The following MARS1 variants were observed in gnomAD, a reference collection of about 807,000 sequenced individuals.
MARS1 encodes methionine--tRNA ligase, cytoplasmic.
In MARS1, 80 loss-of-function variants were observed where a neutral mutation model predicts 119.5. The ratio of observed to expected loss-of-function variants is 0.67; its 90% CI spans 0.56 to 0.81. The LOEUF (loss-of-function observed/expected upper bound fraction) is 0.81, where lower values mean the gene tolerates loss of function less well. Among genes scored for constraint, MARS1 ranks in the 30% least tolerant of loss-of-function variants. The pLI is 0.00. For missense variants in MARS1, 945 were observed against 1,116.5 expected (o/e 0.85, Z 2.19); for synonymous variants, 418 against 433.4 (o/e 0.96, Z 0.44).
intron 19 of MARS1, 98 bp downstream of exon 19, chr12:57,516,089 T>G: frequency 7.0e-7 from 1 of 1,437,642 alleles, no homozygotes; most frequent in Non-Finnish European, 9.8e-7. Flanking sequence ...TTTCCATCTT[T>G]TGGCCCTGCC....
In MARS1 at chr12:57,490,225, A is replaced by C; in HGVS notation, c.509A>C (p.His170Pro). The change falls in exon 6 of 21, where the codon CAC becomes CCC. Residue 170 changes from histidine to proline, a missense_variant. By Grantham distance (77) the His-to-Pro change is moderately conservative. Coordinates refer to ENST00000262027, the MANE Select transcript of MARS1 (RefSeq NM_004990.4). ...CCCACAGAGGAGCTGAGTGCCCTGC[A>C]CAGCTGGTTCCAGACACTGAGTACC... Reference protein sequence around the residue: ...AYLPEELSALHSWFQTLSTQE... With the variant: ...AYLPEELSALPSWFQTLSTQE... 1 of 1,613,796 alleles carries C rather than the reference A, an allele frequency of 6.2e-7. No homozygotes were observed. Among genetic ancestry groups the C allele is most frequent in the Non-Finnish European group, 8.5e-7 (1 of 1,179,962 alleles).
intron 1 of MARS1, 146 bp from the exon 2 acceptor site, chr12:57,488,873 C>T (rs574919907): frequency 4.5e-4 from 349 of 773,242 alleles, no homozygotes; most frequent in Admixed American, 6.0e-4. Flanking sequence ...CACCCCCTTT[C>T]AGTGGTCCTA....
At chr12:57,492,885 G>A (rs1277603256) in intron 7 of MARS1, among the ~76,000 whole-genome samples, 1 of 152,126 alleles carries the variant, frequency 6.6e-6, no homozygotes, top group Non-Finnish European at 1.5e-5. Flanking sequence ...AGGCTGGTCA[G>A]TCGGGGGCAC....
At chr12:57,493,905 A>G (rs1268574373) in intron 7 of MARS1, among the ~76,000 whole-genome samples, 1 of 61,614 alleles carries the variant, frequency 1.6e-5, no homozygotes, top group South Asian at 3.9e-4. Flanking sequence ...TATGTTATAT[A>G]ATATATATAA....
chr12:57,513,076 A>G (rs1280379817), intron 15 of MARS1, 112 bp downstream of exon 15: 5 of 858,352 alleles, frequency 5.8e-6, no homozygotes, highest in Non-Finnish European at 9.6e-6. Context: ...CTGTGAGGAC[A>G]CTGTGGAAAG....
At chr12:57,492,962 C>T (rs1876065175) in intron 7 of MARS1, among the ~76,000 whole-genome samples, 1 of 151,886 alleles carries the variant, frequency 6.6e-6, no homozygotes, top group African/African-American at 2.4e-5. Context: ...CACCTCTGTG[C>T]CTTTATGCAT....
chr12:57,493,797 T>TAC (rs1876359232), intron 7 of MARS1, among the ~76,000 whole-genome samples: 1 of 1,026 alleles, frequency 9.7e-4, no homozygotes, highest in Non-Finnish European at 3.1e-3. Flanking sequence ...TATTATATAT[T>TAC]ATATTATATA....
chr12:57,512,125 T>C (rs1267582896), intron 13 of MARS1, 22 bp downstream of exon 13: 8 of 1,612,040 alleles, frequency 5.0e-6, no homozygotes, highest in Non-Finnish European at 6.8e-6. Context: ...TTGGTTAGGC[T>C]GTGCATGGGG....
At position 57,507,592 on chromosome 12, in the gene MARS1, C is replaced by T. The variant is rs1182801050; in HGVS notation, c.1368+3293C>T. On this transcript the variant is annotated intron_variant, in intron 11 of 20. Coordinates refer to ENST00000262027, the MANE Select transcript of MARS1 (RefSeq NM_004990.4). ...GGCGCCCCTCACCTCCCGGACGGGG[C>T]GGCTGGCCGGGCGGGGGTCTGGCCC... 1.7e-4 allele frequency among the ~76,000 whole-genome samples: 24 copies of T among 140,554 alleles called. No homozygotes were observed. The South Asian group carries it at 5.2e-3, about 30-fold the overall frequency. The allele number at this position is 140,554 out of a possible 152,430, so 92.2% of individuals were successfully genotyped here.
intron 4 of MARS1, 103 bp from the exon 5 acceptor site, chr12:57,489,793 C>T (rs973012569): frequency 8.7e-7 from 1 of 1,148,214 alleles, no homozygotes; most frequent in Non-Finnish European, 1.3e-6. Flanking sequence ...GTGCTTAATA[C>T]AGTGCTTGAC....
chr12:57,515,622 G>A (rs1243593500), intron 18 of MARS1: 5 of 560,664 alleles, frequency 8.9e-6, no homozygotes, highest in East Asian at 5.9e-5. Context: ...ATAGTGGGCA[G>A]GGAAAATACA....
chr12:57,490,899 G>A (rs148066087), intron 7 of MARS1, among the ~76,000 whole-genome samples: 2,505 of 129,770 alleles, frequency 0.019, 94 homozygotes, highest in African/African-American at 0.07. Flanking sequence ...TTTTTGAGGC[G>A]GAGTTTCGCT....
Position 57,488,077 on chromosome 12 carries a change from G to T in MARS1, c.-14G>T. On this transcript the variant is annotated 5_prime_UTR_variant, in exon 1 of 21. Coordinates refer to ENST00000262027, the MANE Select transcript of MARS1 (RefSeq NM_004990.4). ...GGCCGGTTCCGGTTGCATCAGCGAG[G>T]GATTCACGGCGAAATGAGACTGTTC... 1.2e-6 allele frequency: 2 copies of T among 1,611,540 alleles called. No individual in the cohort carries two copies. The highest frequency in any genetic ancestry group is 1.7e-6 in the Non-Finnish European group (2 of 1,177,782).
intron 7 of MARS1, among the ~76,000 whole-genome samples, chr12:57,491,825 A>G (rs567646619): frequency 8.2e-4 from 125 of 152,334 alleles, no homozygotes; most frequent in African/African-American, 2.7e-3. Flanking sequence ...TTGCCATTCA[A>G]TAAACATTTG....
At chr12:57,498,892 CCT>C (rs2140017527) in intron 9 of MARS1, among the ~76,000 whole-genome samples, 1 of 152,298 alleles carries the variant, frequency 6.6e-6, no homozygotes, top group Non-Finnish European at 1.5e-5. Flanking sequence ...TGCCTCCCTT[CCT>C]CTCTGTGTCC....
At chr12:57,502,705 C>CAAA (rs35515685) in intron 10 of MARS1, among the ~76,000 whole-genome samples, 3 of 47,988 alleles carry the variant, frequency 6.3e-5, no homozygotes, top group Non-Finnish European at 8.7e-5. Flanking sequence ...GATTTTGTCT[C>CAAA]AAAAAAAAAA....
Position 57,500,498 on chromosome 12 carries a change from G to T in MARS1, c.1269G>T (p.Lys423Asn), listed in dbSNP as rs1370197188. ...GTGACCAGTGTGACAAGTGTGGCAA[G>T]CTCATCAATGCTGTCGAGCTTAAGG... ...ARGDQCDKCG[K>N]LINAVELKKP... Residue 423 changes from lysine to asparagine, a missense_variant, in exon 10 of 21, where the codon AAG (lysine) becomes AAT (asparagine). By Grantham distance (94) the Lys-to-Asn change is moderately conservative. Coordinates refer to ENST00000262027, the MANE Select transcript of MARS1 (RefSeq NM_004990.4). 1 of 1,614,188 alleles carries T rather than the reference G, an allele frequency of 6.2e-7. No individual in the cohort carries two copies. Among genetic ancestry groups the T allele is most frequent in the East Asian group, 2.2e-5 (1 of 44,882 alleles).
At chr12:57,491,083 G>C (rs1049301193) in intron 7 of MARS1, among the ~76,000 whole-genome samples, 1 of 151,886 alleles carries the variant, frequency 6.6e-6, no homozygotes, top group Non-Finnish European at 1.5e-5. Context: ...TGCCCAGACA[G>C]GCTGGTCTCG....
chr12:57,515,269 C>T lies in MARS1; in HGVS notation c.2324C>T (p.Pro775Leu), dbSNP rs1358798895. ...ATCCAGGCCCAGCTGCAGCTCCCAC[C>T]TCCAGCCTGCAGTATCCTGCTGACA... ...ATIQAQLQLPPPACSILLTNF... is the reference protein window; with the variant it reads ...ATIQAQLQLPLPACSILLTNF... Residue 775 changes from proline to leucine, a missense_variant, in exon 18 of 21, where the codon CCT (proline) becomes CTT (leucine). Transcript: ENST00000262027. 6.2e-7 allele frequency: 1 copy of T among 1,614,032 alleles called. No homozygotes were observed. The highest frequency in any genetic ancestry group is 8.5e-7 in the Non-Finnish European group (1 of 1,180,036).
Sources: gnomAD v4.1 joint callset for allele counts (sites outside exome capture counted in the v4.1 genomes callset) on GRCh38, gnomAD v4.1.1 for gene constraint, MANE v1.5 for transcripts, NCBI Gene and HGNC (gene_info 2026-07-23, HGNC 2026-07-21) for gene names.